SPCS2: variants seen among roughly 807,000 people sequenced by gnomAD.
SPCS2 encodes the protein SPase 25 kDa subunit.
In SPCS2, 3 loss-of-function variants were observed where a neutral mutation model predicts 22.3. The ratio of observed to expected loss-of-function variants is 0.13; its 90% confidence interval spans 0.06 to 0.35. SPCS2 has a LOEUF of 0.35. Among genes scored for constraint, SPCS2 ranks in the 10% least tolerant of loss-of-function variants. SPCS2 has a pLI of 1.00. For synonymous variants in SPCS2, 67 were observed against 97.2 expected, an observed-to-expected ratio of 0.69 and a Z score of 1.83; for missense variants, 169 against 280.9, an observed-to-expected ratio of 0.60 and a Z score of 2.85.
At chr11:74,961,994 T>G (rs1948517139) in intron 1 of SPCS2, among the ~76,000 whole-genome samples, 1 of 152,176 alleles carries the variant, frequency 6.6e-6, no homozygotes, top group African/African-American at 2.4e-5. Context: ...CCCTAAAGAA[T>G]TTTGTTGGCC....
At chr11:74,964,804 A>C (rs953168541) in intron 1 of SPCS2, among the ~76,000 whole-genome samples, 18 of 152,176 alleles carry the variant, frequency 1.2e-4, no homozygotes, top group African/African-American at 4.3e-4. Context: ...AGTCTCTTTC[A>C]ACCTGATTTT....
At position 74,976,911 on chromosome 11, in the gene SPCS2, G is replaced by A. The variant is rs765742581; in HGVS notation, c.549G>A (p.Gln183=). Reference sequence around the variant, plus strand: ...CCTTCATCAGTGGGAGAACAAAGCAGCAGCGGGAAGCCGAGTTCACAAAGT... The same window carrying A: ...CCTTCATCAGTGGGAGAACAAAGCAACAGCGGGAAGCCGAGTTCACAAAGT... ...KLTFISGRTK[Q]QREAEFTKSI... is the part of the protein sequence containing the mutation. The change falls in exon 5 of 5, where the codon CAG becomes CAA. Residue 183 remains glutamine, a synonymous_variant. Transcript: ENST00000263672. The A allele has an allele frequency of 6.2e-7, 1 of 1,613,554 alleles. No homozygotes were observed. The highest frequency in any genetic ancestry group is 1.1e-5 in the South Asian group (1 of 91,056).
intron 1 of SPCS2, among the ~76,000 whole-genome samples, chr11:74,950,557 A>G (rs1274412501): frequency 6.6e-6 from 1 of 151,904 alleles, no homozygotes; most frequent in Non-Finnish European, 1.5e-5. Context: ...TGGTTCTCAC[A>G]CTCTTCTCTT....
chr11:74,973,928 A>G (rs1948601135), intron 4 of SPCS2, among the ~76,000 whole-genome samples: 1 of 151,408 alleles, frequency 6.6e-6, no homozygotes, highest in Non-Finnish European at 1.5e-5. Context: ...TGACATACAA[A>G]TATACTGTAA....
chr11:74,955,781 A>G (rs1443806589), intron 1 of SPCS2, among the ~76,000 whole-genome samples: 7 of 147,038 alleles, frequency 4.8e-5, no homozygotes. Context: ...TCTTTAAACT[A>G]TATGTCATGT....
At chr11:74,965,176 G>C in intron 2 of SPCS2, 59 bp downstream of exon 2, 1 of 1,158,626 alleles carries the variant, frequency 8.6e-7, no homozygotes, top group Non-Finnish European at 1.2e-6. Flanking sequence ...TCTCTCCTGG[G>C]AAATCTTTTC....
chr11:74,956,360 G>A (rs546817525), intron 1 of SPCS2, among the ~76,000 whole-genome samples: 1 of 152,100 alleles, frequency 6.6e-6, no homozygotes, highest in African/African-American at 2.4e-5. Context: ...ACATGTATCA[G>A]GCATCAATAG....
rs1374076805 is a variant in SPCS2, at chr11:74,965,779, A to G, written c.215A>G (p.Tyr72Cys). 6.2e-7 allele frequency: 1 copy of G among 1,612,692 alleles called. No homozygotes were observed. Among genetic ancestry groups the G allele is most frequent in the Non-Finnish European group, 8.5e-7 (1 of 1,179,134 alleles). The change falls in exon 3 of 5, where the codon TAC (tyrosine) becomes TGC (cysteine). Residue 72 changes from tyrosine (Y) to cysteine (C), a missense_variant. Tyr to Cys is a radical substitution (Grantham distance 194). Transcript: ENST00000263672. ...TCTCACCAGGTACTTCTGGAAAAAT[A>G]CAAATATGTGGAGAATTTTGGTCTA... The part of the protein sequence containing the change: ...DSAKKVLLEK[Y>C]KYVENFGLID...
rs2140223054 is a variant in SPCS2, at chr11:74,977,515, A to G, written c.*472A>G. 1 of 152,210 alleles carries G rather than the reference A, an allele frequency of 6.6e-6. No homozygotes were observed. The highest frequency in any genetic ancestry group is 2.1e-4 in the South Asian group (1 of 4,798). 9.4% of individuals were successfully genotyped at this position (152,210 alleles called of 1,614,324 possible). ...TCACACACTATTTTTGTGGGTGTGTATATATCTGATTTGGGAAGAATTTAA... is the reference window on the plus strand; with the variant it reads ...TCACACACTATTTTTGTGGGTGTGTGTATATCTGATTTGGGAAGAATTTAA... On this transcript the variant is annotated 3_prime_UTR_variant, in exon 5 of 5. Coordinates refer to ENST00000263672, the MANE Select transcript of SPCS2 (RefSeq NM_014752.3).
chr11:74,949,355 T>C lies in SPCS2; in HGVS notation c.70T>C (p.Ser24Pro). 2 of 1,551,506 alleles carry C rather than the reference T, an allele frequency of 1.3e-6. No homozygotes were observed. Among genetic ancestry groups the C allele is most frequent in the Non-Finnish European group, 8.7e-7 (1 of 1,146,934 alleles). ...AGGCTGTAGTGGGGCTGGTGGTGCT[T>C]CCAACTGCGGGACAGGAAGTGGCCG... ...SGGCSGAGGA[S>P]NCGTGSGRSG... Residue 24 changes from serine to proline, a missense_variant, in exon 1 of 5, where the codon TCC (serine) becomes CCC (proline). By Grantham distance (74) the Ser-to-Pro change is moderately conservative. Transcript: ENST00000263672.
intron 1 of SPCS2, among the ~76,000 whole-genome samples, chr11:74,959,963 T>C (rs1658124770): frequency 6.6e-6 from 1 of 152,218 alleles, no homozygotes; most frequent in South Asian, 2.1e-4. Context: ...AAATGATTCT[T>C]CATAATGTTC....
chr11:74,949,765 G>A, intron 1 of SPCS2: 1 of 418,526 alleles, frequency 2.4e-6, no homozygotes, highest in South Asian at 1.7e-5. Context: ...AAAGATTAAA[G>A]AATCAGTATC....
intron 4 of SPCS2, among the ~76,000 whole-genome samples, chr11:74,974,652 T>C (rs533520024): frequency 6.6e-6 from 1 of 152,324 alleles, no homozygotes; most frequent in Non-Finnish European, 1.5e-5. Context: ...TCTCACACTT[T>C]CATCTAGGCT....
chr11:74,976,231 C>T (rs939197255), intron 4 of SPCS2, among the ~76,000 whole-genome samples: 1 of 152,180 alleles, frequency 6.6e-6, no homozygotes, highest in African/African-American at 2.4e-5. Context: ...TCAAGAATCT[C>T]CTAGACAATC....
At chr11:74,953,758 A>G (rs1948460324) in intron 1 of SPCS2, among the ~76,000 whole-genome samples, 1 of 152,240 alleles carries the variant, frequency 6.6e-6, no homozygotes, top group South Asian at 2.1e-4. Flanking sequence ...AGATCATTGC[A>G]GTATGTTATT....
chr11:74,957,511 T>G (rs1156284731), intron 1 of SPCS2, among the ~76,000 whole-genome samples: 1 of 152,214 alleles, frequency 6.6e-6, no homozygotes, highest in Non-Finnish European at 1.5e-5. Flanking sequence ...TGTATCAATG[T>G]AGTACATTCC....
At position 74,965,314 on chromosome 11, in the gene SPCS2, A is replaced by G. The variant is rs547443387; in HGVS notation, c.198+197A>G. 715 of 465,400 alleles carry G rather than the reference A, an allele frequency of 1.5e-3. 5 individuals are homozygous for G. Among genetic ancestry groups the G allele is most frequent in the Non-Finnish European group, 1.9e-3 (496 of 264,110 alleles). 28.8% of individuals were successfully genotyped at this position (465,400 alleles called of 1,614,324 possible). The stretch of plus-strand genomic sequence containing the variant: ...TATCACCAACATGGCACATGTATAC[A>G]TATGTAACAAACCTGCACGTTGTGC... On this transcript the variant is annotated intron_variant, in intron 2 of 4. Coordinates refer to ENST00000263672, the MANE Select transcript of SPCS2 (RefSeq NM_014752.3).
intron 1 of SPCS2, among the ~76,000 whole-genome samples, chr11:74,959,822 C>T (rs776422721): frequency 1.3e-5 from 2 of 152,212 alleles, no homozygotes; most frequent in African/African-American, 2.4e-5. Flanking sequence ...GTACTGACTA[C>T]ATATCCTTCA....
chr11:74,965,949 T>C, intron 3 of SPCS2, 26 bp downstream of exon 3: 1 of 1,570,254 alleles, frequency 6.4e-7, no homozygotes, highest in South Asian at 1.2e-5. Flanking sequence ...GCTCAGGTTG[T>C]TTTCTAGTGA....
Sources: allele counts gnomAD v4.1 joint callset (sites outside exome capture counted in the v4.1 genomes callset), GRCh38; gene constraint gnomAD v4.1.1; transcripts MANE v1.5; gene names NCBI Gene and HGNC (gene_info 2026-07-23, HGNC 2026-07-21).